Variants in SCN2B observed in about 807,000 individuals in gnomAD.
SCN2B encodes the protein sodium voltage-gated channel beta subunit 2, also known as sodium channel regulatory subunit beta-2.
SCN2B carries 14 observed loss-of-function variants against 18.2 expected under a neutral mutation model. That is an observed-to-expected ratio of 0.77 (90% CI 0.51 to 1.21). The LOEUF is 1.21. Ranked by LOEUF, SCN2B falls within the 50% of genes most tolerant of loss-of-function variation. SCN2B has a pLI of 0.00. For synonymous variants in SCN2B, 115 were observed against 115.3 expected (o/e 1.00, Z 0.02); for missense variants, 262 against 286.9 (o/e 0.91, Z 0.63).
chr11:118,168,785 G>C lies in SCN2B; in HGVS notation c.71-34C>G. ...GAAGCCACAAGCTGGTGAGGAGTCT[G>C]GCTGAAAGGGCTGGGGAGGGGCAAG... On this transcript the variant is annotated intron_variant, in intron 1 of 3. Coordinates refer to ENST00000278947, the MANE Select transcript of SCN2B (RefSeq NM_004588.5). This position sits in a 1 kb window ranked among gnomAD's most constrained non-coding sequence, Gnocchi z 4.7. 1 of 1,613,302 alleles carries C rather than the reference G, an allele frequency of 6.2e-7. No individual in the cohort carries two copies. Among genetic ancestry groups the C allele is most frequent in the Non-Finnish European group, 8.5e-7 (1 of 1,179,764 alleles).
Position 118,176,634 on chromosome 11 carries a change from G to C in SCN2B, c.-203C>G. ...GCTGCTAAAAAGAGAGAGAGAGGGA[G>C]TGTGTAAAGGAGAGAGAGAGAGATG... On this transcript the variant is annotated 5_prime_UTR_variant, in exon 1 of 4. Transcript: ENST00000278947. 1 of 315,990 alleles carries C rather than the reference G, an allele frequency of 3.2e-6. No individual in the cohort carries two copies. The highest frequency in any genetic ancestry group is 2.8e-5 in the South Asian group (1 of 36,006). 19.6% of individuals were successfully genotyped at this position (315,990 alleles called of 1,614,324 possible).
Position 118,163,248 on chromosome 11 carries a change from C to T in SCN2B, c.*3639G>A, listed in dbSNP as rs1403486657. The T allele has an allele frequency of 6.6e-6, 1 of 152,536 alleles. No homozygotes were observed. Among genetic ancestry groups the T allele is most frequent in the African/African-American group, 2.4e-5 (1 of 41,432 alleles). 9.4% of individuals were successfully genotyped at this position (152,536 alleles called of 1,614,324 possible). On this transcript the variant is annotated 3_prime_UTR_variant, in exon 4 of 4. Transcript: ENST00000278947. ...CCAGCAAGAGGCACAGCAAGAGACA[C>T]AGGCTGTCCATCTTTAAGACATAAG... is the stretch of plus-strand genomic sequence containing the variant.
At chr11:118,170,200 C>A (rs1262154259) in intron 1 of SCN2B, among the ~76,000 whole-genome samples, 1 of 152,046 alleles carries the variant, frequency 6.6e-6, no homozygotes, top group African/African-American at 2.4e-5. Flanking sequence ...GGATAGACAT[C>A]AACAAGGAAA....
chr11:118,175,250 G>T (rs562570238), intron 1 of SCN2B, among the ~76,000 whole-genome samples: 7 of 152,350 alleles, frequency 4.6e-5, no homozygotes, highest in African/African-American at 1.4e-4. Context: ...GCTCAGAGGG[G>T]TTGAGTAACT....
rs1201104587 is a variant in SCN2B, at chr11:118,163,568, TTG to T, written c.*3317_*3318del. 6.6e-6 allele frequency: 1 copy of T among 152,650 alleles called. No individual in the cohort carries two copies. The highest frequency in any genetic ancestry group is 2.4e-5 in the African/African-American group (1 of 41,442). The allele number at this position is 152,650 out of a possible 1,614,324, so 9.5% of individuals were successfully genotyped here. ...CTCAAAGCAGTTCAGTCCTGAATAA[TTG>T]TGCTTTGTTCTTATAAGCTAAATCC... On this transcript the variant is annotated 3_prime_UTR_variant, in exon 4 of 4. Coordinates refer to ENST00000278947, the MANE Select transcript of SCN2B (RefSeq NM_004588.5).
In SCN2B at chr11:118,166,621, T is replaced by TC; in HGVS notation, c.*265dup. On this transcript the variant is annotated 3_prime_UTR_variant, in exon 4 of 4. Coordinates refer to ENST00000278947, the MANE Select transcript of SCN2B (RefSeq NM_004588.5). Reference sequence around the variant, plus strand: ...GGGACCCTCACATGTGCCTCCTGCCTCCCCCCAGGGACTGGCAGGTGGGAG... The same window carrying TC: ...GGGACCCTCACATGTGCCTCCTGCCTCCCCCCCAGGGACTGGCAGGTGGGAG... The TC allele has an allele frequency of 1.9e-6, 1 of 521,312 alleles. No individual in the cohort carries two copies. Among genetic ancestry groups the TC allele is most frequent in the Non-Finnish European group, 3.5e-6 (1 of 286,382 alleles). The allele number at this position is 521,312 out of a possible 1,614,324, so 32.3% of individuals were successfully genotyped here.
At chr11:118,173,007 T>C (rs1296098041) in intron 1 of SCN2B, among the ~76,000 whole-genome samples, 1 of 150,842 alleles carries the variant, frequency 6.6e-6, no homozygotes, top group Non-Finnish European at 1.5e-5. Flanking sequence ...TGCCTTACCA[T>C]CCAGACCCTT....
intron 1 of SCN2B, among the ~76,000 whole-genome samples, chr11:118,173,226 C>T (rs948160913): frequency 3.9e-5 from 6 of 152,188 alleles, no homozygotes; most frequent in Non-Finnish European, 8.8e-5. Flanking sequence ...GCCCCCATCC[C>T]CCCAGGTCTC....
Position 118,163,394 on chromosome 11 carries a change from G to A in SCN2B, c.*3493C>T, listed in dbSNP as rs1243396720. 6.6e-6 allele frequency: 1 copy of A among 152,520 alleles called. No homozygotes were observed. Among genetic ancestry groups the A allele is most frequent in the Admixed American group, 6.5e-5 (1 of 15,282 alleles). The allele number at this position is 152,520 out of a possible 1,614,324, so 9.4% of individuals were successfully genotyped here. The stretch of plus-strand genomic sequence containing the variant: ...TTGTCTGTCTGCTTAACCTGACCTT[G>A]CAAATATTTACCAGCCCAACCTCCC... On this transcript the variant is annotated 3_prime_UTR_variant, in exon 4 of 4. Coordinates refer to ENST00000278947, the MANE Select transcript of SCN2B (RefSeq NM_004588.5).
rs537466784 is a variant in SCN2B, at chr11:118,162,968, T to C, written c.*3919A>G. The C allele has an allele frequency of 6.6e-6, 1 of 152,666 alleles. No homozygotes were observed. The highest frequency in any genetic ancestry group is 2.1e-4 in the South Asian group (1 of 4,820). The allele number at this position is 152,666 out of a possible 1,614,324, so 9.5% of individuals were successfully genotyped here. A position where few individuals can be genotyped will look rare whatever the true frequency, so the allele number is the denominator to read the frequency against. ...CCAACCACCCCTTCCAACCTCTCTA[T>C]AGCACACACAACCAAGAAAGTGCAT... On this transcript the variant is annotated 3_prime_UTR_variant, in exon 4 of 4. Coordinates refer to ENST00000278947, the MANE Select transcript of SCN2B (RefSeq NM_004588.5).
chr11:118,168,234 T>C lies in SCN2B; in HGVS notation c.299A>G (p.Glu100Gly), dbSNP rs552421963. The C allele has an allele frequency of 2.5e-6, 4 of 1,614,184 alleles. No homozygotes were observed. Among genetic ancestry groups the C allele is most frequent in the Non-Finnish European group, 3.4e-6 (4 of 1,180,006 alleles). ...LKLERFQDRV[E>G]FSGNPSKYDV... is the part of the protein sequence containing the mutation. ...GTACTTGCTGGGGTTCCCTGAGAACTCCACGCGGTCTTGAAACCGCTCCAG... is the reference window on the plus strand; with the variant it reads ...GTACTTGCTGGGGTTCCCTGAGAACCCCACGCGGTCTTGAAACCGCTCCAG... Residue 100 changes from glutamate (E) to glycine (G), a missense_variant, in exon 3 of 4, where the codon GAG becomes GGG. By Grantham distance (98) the Glu-to-Gly change is moderately conservative. Coordinates refer to ENST00000278947, the MANE Select transcript of SCN2B (RefSeq NM_004588.5). This position sits in a 1 kb window ranked among gnomAD's most constrained non-coding sequence, Gnocchi z 4.7.
Position 118,168,889 on chromosome 11 carries a change from T to A in SCN2B, c.71-138A>T. The A allele has an allele frequency of 1.1e-6, 1 of 899,192 alleles. No homozygotes were observed. The highest frequency in any genetic ancestry group is 1.8e-6 in the Non-Finnish European group (1 of 545,926). The allele number at this position is 899,192 out of a possible 1,614,324, so 55.7% of individuals were successfully genotyped here. On this transcript the variant is annotated intron_variant, in intron 1 of 3. Coordinates refer to ENST00000278947, the MANE Select transcript of SCN2B (RefSeq NM_004588.5). The surrounding 1 kb of genome is among the most constrained non-coding windows in gnomAD (Gnocchi z 4.7). Reference sequence around the variant, plus strand: ...GGACTGGGTCCCTGACAGCTCCAGTTAATCAGGAGGTGGGAGTTACTGTTA... The same window carrying A: ...GGACTGGGTCCCTGACAGCTCCAGTAAATCAGGAGGTGGGAGTTACTGTTA...
chr11:118,174,091 C>CTTTTGTTTTTTTTTTTTTTTTT (rs1555101438), intron 1 of SCN2B, among the ~76,000 whole-genome samples: 3 of 66,628 alleles, frequency 4.5e-5, no homozygotes, highest in Admixed American at 2.2e-4. Flanking sequence ...TTTTTCTTTT[C>CTTTTGTTTTTTTTTTTTTTTTT]TTTTTTTTTT....
intron 1 of SCN2B, among the ~76,000 whole-genome samples, chr11:118,172,892 G>GTT (rs11358502): frequency 2.8e-5 from 4 of 144,032 alleles, no homozygotes; most frequent in South Asian, 2.3e-4. Flanking sequence ...TTTCTTCTTG[G>GTT]TTTTTTTTTT....
rs201269831 is a variant in SCN2B, at chr11:118,166,909, T to A, written c.626A>T (p.Asn209Ile). Residue 209 changes from asparagine (N) to isoleucine (I), a missense_variant, in exon 4 of 4, where the codon AAC (asparagine) becomes ATC (isoleucine). Asn to Ile is a moderately radical substitution (Grantham distance 149). Coordinates refer to ENST00000278947, the MANE Select transcript of SCN2B (RefSeq NM_004588.5). ...EEEGKTDGEG[N>I]PDDGAK ...CCACTACTTGGCGCCATCATCCGGG[T>A]TGCCTTCACCGTCCGTCTTGCCCTC... 1 of 1,614,020 alleles carries A rather than the reference T, an allele frequency of 6.2e-7. No homozygotes were observed. Among genetic ancestry groups the A allele is most frequent in the Non-Finnish European group, 8.5e-7 (1 of 1,179,992 alleles).
chr11:118,166,859 C>A lies in SCN2B; in HGVS notation c.*28G>T. 6.2e-7 allele frequency: 1 copy of A among 1,612,972 alleles called. No individual in the cohort carries two copies. The highest frequency in any genetic ancestry group is 8.5e-7 in the Non-Finnish European group (1 of 1,179,834). ...AGGGCGGAGAGGGGAGGAGACGGGACACGGGAGGCTGCAGGGCCGGCCACC... is the reference window on the plus strand; with the variant it reads ...AGGGCGGAGAGGGGAGGAGACGGGAAACGGGAGGCTGCAGGGCCGGCCACC... On this transcript the variant is annotated 3_prime_UTR_variant, in exon 4 of 4. Coordinates refer to ENST00000278947, the MANE Select transcript of SCN2B (RefSeq NM_004588.5).
intron 1 of SCN2B, among the ~76,000 whole-genome samples, chr11:118,172,265 T>C (rs1000118650): frequency 2.0e-5 from 3 of 152,264 alleles, no homozygotes; most frequent in Non-Finnish European, 4.4e-5. Context: ...CTACATACTC[T>C]ACATACATCA....
chr11:118,176,159 C>T (rs1449578612), intron 1 of SCN2B, among the ~76,000 whole-genome samples: 1 of 152,180 alleles, frequency 6.6e-6, no homozygotes, highest in African/African-American at 2.4e-5. Flanking sequence ...ACTCAGATCC[C>T]CTGACCCAAC....
rs1006707771 is a variant in SCN2B, at chr11:118,163,813, A to T, written c.*3074T>A. 2.0e-5 allele frequency: 3 copies of T among 152,304 alleles called. No individual in the cohort carries two copies. Among genetic ancestry groups the T allele is most frequent in the African/African-American group, 7.2e-5 (3 of 41,460 alleles). The allele number at this position is 152,304 out of a possible 1,614,324, so 9.4% of individuals were successfully genotyped here. ...GGAAGAGGAAGAACTTGTCAGCATAAGTTAGGAAACAGGGTAGGGAAATGG... is the reference window on the plus strand; with the variant it reads ...GGAAGAGGAAGAACTTGTCAGCATATGTTAGGAAACAGGGTAGGGAAATGG... On this transcript the variant is annotated 3_prime_UTR_variant, in exon 4 of 4. Transcript: ENST00000278947.
Sources: allele counts gnomAD v4.1 joint callset (sites outside exome capture counted in the v4.1 genomes callset), GRCh38; gene constraint gnomAD v4.1.1; non-coding constraint Gnocchi (gnomAD v3.1); transcripts MANE v1.5; gene names NCBI Gene and HGNC (gene_info 2026-07-23, HGNC 2026-07-21).